The following TBC1D22A variants were observed in gnomAD, a reference collection of about 807,000 sequenced individuals.
The protein encoded by TBC1D22A is putative GTPase activator.
In TBC1D22A, 38 loss-of-function variants were observed where a neutral mutation model predicts 60.2. That is an observed-to-expected ratio of 0.63 (90% CI 0.49 to 0.83). TBC1D22A has a LOEUF of 0.83. TBC1D22A is among the 40% of genes least tolerant of loss of function. The pLI is 0.00. For synonymous variants in TBC1D22A, 302 were observed against 281.7 expected, an observed-to-expected ratio of 1.07 and a Z score of -0.72; for missense variants, 628 against 701.0, an observed-to-expected ratio of 0.90 and a Z score of 1.18.
intron 8 of TBC1D22A, among the ~76,000 whole-genome samples, chr22:46,956,407 A>T (rs1474276028): frequency 2.0e-5 from 3 of 152,198 alleles, no homozygotes; most frequent in African/African-American, 7.2e-5. Flanking sequence ...AACACGGTGA[A>T]ACCCTGTCTC....
intron 11 of TBC1D22A, among the ~76,000 whole-genome samples, chr22:47,076,361 G>GTATATATATATA (rs769322904): frequency 0.022 from 2,219 of 100,554 alleles, 36 homozygotes; most frequent in Admixed American, 0.035. Context: ...ATATGTGTGT[G>GTATATATATATA]TATATATATA....
At chr22:46,900,000 T>A (rs2068897119) in intron 7 of TBC1D22A, among the ~76,000 whole-genome samples, 1 of 151,634 alleles carries the variant, frequency 6.6e-6, no homozygotes, top group Non-Finnish European at 1.5e-5. Flanking sequence ...ATTCCACAGG[T>A]GATGGCTGGG....
intron 8 of TBC1D22A, among the ~76,000 whole-genome samples, chr22:46,956,578 C>T (rs2073204949): frequency 6.6e-6 from 1 of 152,196 alleles, no homozygotes; most frequent in Admixed American, 6.5e-5. Flanking sequence ...AGGGGTCAAC[C>T]TGGTCAGCTC....
rs140216716 is a variant in TBC1D22A at position 46,848,659 on chromosome 22, T to A, written c.638-29994T>A. On this transcript the variant is annotated intron_variant, in intron 4 of 12. Transcript: ENST00000337137. Reference sequence around the variant, plus strand: ...GCTTTTTGGTTGGCATTGCTGAGTCTGTATGATGATGTTTATGCTGTTACT... The same window carrying A: ...GCTTTTTGGTTGGCATTGCTGAGTCAGTATGATGATGTTTATGCTGTTACT... 3.0e-3 allele frequency among the ~76,000 whole-genome samples: 457 copies of A among 152,352 alleles called. 6 individuals carry two copies. The highest frequency in any genetic ancestry group is 0.011 in the African/African-American group (440 of 41,576).
intron 12 of TBC1D22A, among the ~76,000 whole-genome samples, chr22:47,125,859 C>T (rs529230684): frequency 3.9e-4 from 59 of 152,344 alleles, no homozygotes; most frequent in African/African-American, 1.3e-3. Flanking sequence ...CAGCCAACAT[C>T]GGGTGTCCCA....
intron 12 of TBC1D22A, among the ~76,000 whole-genome samples, chr22:47,134,827 G>C (rs905712319): frequency 2.6e-5 from 4 of 152,228 alleles, no homozygotes; most frequent in Admixed American, 2.0e-4. Context: ...GAGATGGGGG[G>C]TTCAGCAGGG....
intron 4 of TBC1D22A, among the ~76,000 whole-genome samples, chr22:46,866,674 A>C (rs1003164430): frequency 6.6e-6 from 1 of 152,238 alleles, no homozygotes; most frequent in Non-Finnish European, 1.5e-5. Flanking sequence ...CTGATGCCTG[A>C]ACAAGTCTAT....
At chr22:46,851,005 G>A (rs914043718) in intron 4 of TBC1D22A, among the ~76,000 whole-genome samples, 1 of 152,212 alleles carries the variant, frequency 6.6e-6, no homozygotes, top group Non-Finnish European at 1.5e-5. Flanking sequence ...AATGGTAGTT[G>A]TGGGGCTGAG....
intron 1 of TBC1D22A, among the ~76,000 whole-genome samples, chr22:46,784,287 G>A (rs968404742): frequency 6.6e-6 from 1 of 152,026 alleles, no homozygotes. Flanking sequence ...CAAGTGATCC[G>A]CCTGCCTGGT....
At chr22:47,171,269 A>G (rs1256941957) in intron 12 of TBC1D22A, among the ~76,000 whole-genome samples, 3 of 152,178 alleles carry the variant, frequency 2.0e-5, no homozygotes, top group African/African-American at 4.8e-5. Context: ...GGCAGGCGAC[A>G]TGGGCATCCC....
intron 5 of TBC1D22A, among the ~76,000 whole-genome samples, chr22:46,880,826 C>T (rs906469699): frequency 6.6e-5 from 10 of 151,966 alleles, no homozygotes; most frequent in Non-Finnish European, 1.0e-4. Flanking sequence ...TACGGATGAA[C>T]GTGGTGGTTC....
intron 12 of TBC1D22A, among the ~76,000 whole-genome samples, chr22:47,167,665 G>T (rs922104673): frequency 1.3e-5 from 2 of 152,226 alleles, no homozygotes; most frequent in African/African-American, 4.8e-5. Context: ...TGAAAGCAGG[G>T]TGGCCATCTG....
intron 11 of TBC1D22A, among the ~76,000 whole-genome samples, chr22:47,080,284 A>G (rs2064410199): frequency 6.6e-6 from 1 of 152,232 alleles, no homozygotes; most frequent in South Asian, 2.1e-4. Context: ...TCTCATTGAC[A>G]TTTATAGAAT....
At chr22:46,974,491 T>A in intron 9 of TBC1D22A, 92 bp downstream of exon 9, 1 of 1,059,776 alleles carries the variant, frequency 9.4e-7, no homozygotes. Flanking sequence ...AGTCTCAGTG[T>A]GGCCATGCAG....
At chr22:47,014,439 C>T (rs2061845804) in intron 10 of TBC1D22A, among the ~76,000 whole-genome samples, 1 of 152,198 alleles carries the variant, frequency 6.6e-6, no homozygotes, top group African/African-American at 2.4e-5. Context: ...CCCCGCTGGA[C>T]ATGCCGTGAG....
intron 4 of TBC1D22A, among the ~76,000 whole-genome samples, chr22:46,798,912 C>T (rs2084778527): frequency 2.0e-5 from 3 of 152,138 alleles, no homozygotes; most frequent in African/African-American, 7.2e-5. Flanking sequence ...GCAGAAGCAG[C>T]GGTTCAAAGG....
intron 7 of TBC1D22A, among the ~76,000 whole-genome samples, chr22:46,898,502 T>C (rs2068804554): frequency 6.9e-6 from 1 of 145,746 alleles, no homozygotes; most frequent in Non-Finnish European, 1.5e-5. Context: ...GAGAAAAACA[T>C]TCATGCCTTT....
At chr22:46,808,732 C>T (rs548451705) in intron 4 of TBC1D22A, among the ~76,000 whole-genome samples, 249 of 152,234 alleles carry the variant, frequency 1.6e-3, no homozygotes, top group African/African-American at 5.8e-3. Flanking sequence ...GTAGCTGGGA[C>T]TACAGGCACC....
chr22:46,952,253 T>C (rs1386087606), intron 8 of TBC1D22A, among the ~76,000 whole-genome samples: 1 of 152,248 alleles, frequency 6.6e-6, no homozygotes, highest in Admixed American at 6.5e-5. Context: ...GGCATTCCTG[T>C]GGACCCTGTC....
Sources: gnomAD v4.1 joint callset for allele counts (sites outside exome capture counted in the v4.1 genomes callset) on GRCh38, gnomAD v4.1.1 for gene constraint, MANE v1.5 for transcripts, NCBI Gene and HGNC (gene_info 2026-07-23, HGNC 2026-07-21) for gene names.